The following FOSL1 variants were observed in gnomAD, a reference collection of about 807,000 sequenced individuals.
FOSL1 encodes fos-related antigen 1.
In FOSL1, 14 loss-of-function variants were observed where a neutral mutation model predicts 24.9. The observed-to-expected ratio is 0.56, with a 90% confidence interval of 0.37 to 0.88. The LOEUF (loss-of-function observed/expected upper bound fraction) is 0.88. FOSL1 is among the 40% of genes least tolerant of loss of function. FOSL1 has a pLI of 0.00. For synonymous variants in FOSL1, 133 were observed against 145.1 expected (o/e 0.92, Z 0.60); for missense variants, 318 against 359.8 (o/e 0.88, Z 0.94).
Position 65,900,363 on chromosome 11 carries a change from G to C in FOSL1, c.-24C>G, listed in dbSNP as rs904472246. 8.4e-7 allele frequency: 1 copy of C among 1,188,454 alleles called. No individual in the cohort carries two copies. The highest frequency in any genetic ancestry group is 1.1e-6 in the Non-Finnish European group (1 of 946,172). 73.6% of individuals were successfully genotyped at this position (1,188,454 alleles called of 1,614,324 possible). A position where few individuals can be genotyped will look rare whatever the true frequency, so the allele number is the denominator to read the frequency against. On this transcript the variant is annotated 5_prime_UTR_variant, in exon 1 of 4. Coordinates refer to ENST00000312562, the MANE Select transcript of FOSL1 (RefSeq NM_005438.5). Reference sequence around the variant, plus strand: ...ATGCCCGGGGCTGGCGGCTCTGCGGGGTACACGGCTGCTGGGTTCTGACTC... The same window carrying C: ...ATGCCCGGGGCTGGCGGCTCTGCGGCGTACACGGCTGCTGGGTTCTGACTC...
At chr11:65,900,503 C>G (rs963927139), upstream of FOSL1, 3 of 398,742 alleles carry the variant, frequency 7.5e-6, no homozygotes, top group Non-Finnish European at 1.3e-5. Flanking sequence ...GGCTCCACCC[C>G]CGAGACGCGC....
chr11:65,893,374 T>G, intron 3 of FOSL1, 78 bp from the exon 4 acceptor site: 1 of 1,195,004 alleles, frequency 8.4e-7, no homozygotes, highest in Non-Finnish European at 1.2e-6. Flanking sequence ...CTCAGGGTTC[T>G]GAGGAGCTGG....
At position 65,898,043 on chromosome 11, in the gene FOSL1, C is replaced by CCGTTTTTTTTT. The variant is rs1416098633; in HGVS notation, c.100-1038_100-1037insAAAAAAAAACG. ...ATTTGGCTAATTTTTTTTTTCTTTT[C>CCGTTTTTTTTT]TGTTTTTTTTTTTTTGAGACACAGT... On this transcript the variant is annotated intron_variant, in intron 1 of 3. Transcript: ENST00000312562. Among the ~76,000 whole-genome samples the CCGTTTTTTTTT allele has an allele frequency of 8.9e-3, 708 of 79,558 alleles. 93 individuals are homozygous for CCGTTTTTTTTT. Among genetic ancestry groups the CCGTTTTTTTTT allele is most frequent in the Non-Finnish European group, 9.1e-3 (406 of 44,474 alleles). The allele number at this position is 79,558 out of a possible 152,430, so 52.2% of individuals were successfully genotyped here. A position where few individuals can be genotyped will look rare whatever the true frequency, so the allele number is the denominator to read the frequency against.
intron 1 of FOSL1, 57 bp downstream of exon 1, chr11:65,900,183 AC>A: frequency 1.2e-6 from 1 of 869,184 alleles, no homozygotes; most frequent in Non-Finnish European, 1.5e-6. Context: ...GCGGGAGTTG[AC>A]CCCGGCCTCC....
chr11:65,895,662 C>A (rs1860508120), intron 2 of FOSL1, among the ~76,000 whole-genome samples: 1 of 152,214 alleles, frequency 6.6e-6, no homozygotes, highest in Non-Finnish European at 1.5e-5. Flanking sequence ...AGGAAGGACG[C>A]ACAGGAGGGT....
At position 65,896,863 on chromosome 11, in the gene FOSL1, T is replaced by C; in HGVS notation, c.243A>G (p.Gly81=). ...PQYSPPQPRP[G]VIRALGPPPG... ...GAGGCGGCCCCAGGGCCCGGATGAC[T>C]CCTGGCCGGGGTTGTGGGGGGCTGT... The change falls in exon 2 of 4, where the codon GGA becomes GGG. Residue 81 remains glycine, a synonymous_variant. Transcript: ENST00000312562. The C allele has an allele frequency of 1.2e-6, 2 of 1,613,812 alleles. No homozygotes were observed. The highest frequency in any genetic ancestry group is 2.2e-5 in the South Asian group (2 of 91,076).
At chr11:65,898,583 A>ACC (rs1860589685) in intron 1 of FOSL1, among the ~76,000 whole-genome samples, 2 of 152,140 alleles carry the variant, frequency 1.3e-5, no homozygotes, top group African/African-American at 4.8e-5. Flanking sequence ...CTCATTTTTA[A>ACC]TATTGTTACA....
Position 65,894,275 on chromosome 11 carries a change from C to A in FOSL1, c.298-154G>T, listed in dbSNP as rs181979051. 2.0e-5 allele frequency among the ~76,000 whole-genome samples: 3 copies of A among 152,306 alleles called. No homozygotes were observed. In the East Asian group the frequency reaches 5.8e-4, roughly 29 times the overall value. The stretch of plus-strand genomic sequence containing the variant: ...ATCACTGCACCCAACCAGTTCCCTG[C>A]ACTGAGGCGCTGTCTGCTTTGATTG... On this transcript the variant is annotated intron_variant, in intron 2 of 3. Coordinates refer to ENST00000312562, the MANE Select transcript of FOSL1 (RefSeq NM_005438.5).
intron 1 of FOSL1, 29 bp downstream of exon 1, chr11:65,900,212 T>C: frequency 8.7e-7 from 1 of 1,145,590 alleles, no homozygotes; most frequent in Non-Finnish European, 1.1e-6. Context: ...GGTCCTCCCG[T>C]GGGACCACCG....
rs756181696 is a variant in FOSL1 at position 65,892,861 on chromosome 11, C to G, written c.*25G>C. ...GAGGAGACATTGGCTAGGGTGGCAT[C>G]TGCAGGGAGTAGGGCTCAGGCGCCT... is the stretch of plus-strand genomic sequence containing the variant. On this transcript the variant is annotated 3_prime_UTR_variant, in exon 4 of 4. Transcript: ENST00000312562. The G allele has an allele frequency of 6.2e-7, 1 of 1,604,924 alleles. No individual in the cohort carries two copies. The highest frequency in any genetic ancestry group is 8.5e-7 in the Non-Finnish European group (1 of 1,177,094).
chr11:65,898,342 G>A (rs1278716534), intron 1 of FOSL1, among the ~76,000 whole-genome samples: 1 of 151,962 alleles, frequency 6.6e-6, no homozygotes, highest in Non-Finnish European at 1.5e-5. Flanking sequence ...CGCACGGCCT[G>A]GCTAATTTTT....
upstream of FOSL1, chr11:65,900,402 G>T: frequency 1.1e-6 from 1 of 944,366 alleles, no homozygotes; most frequent in Non-Finnish European, 1.4e-6. Flanking sequence ...CGCGCCGTGC[G>T]GAGTCTTTTC....
At chr11:65,896,661 GCTC>G in intron 2 of FOSL1, 145 bp downstream of exon 2, 1 of 581,464 alleles carries the variant, frequency 1.7e-6, no homozygotes. Context: ...CTCCCGTGGG[GCTC>G]CTATCACTTT....
chr11:65,897,637 G>C (rs1860561385), intron 1 of FOSL1, among the ~76,000 whole-genome samples: 1 of 152,212 alleles, frequency 6.6e-6, no homozygotes, highest in Non-Finnish European at 1.5e-5. Context: ...ACAGCGCCCA[G>C]CCTAGTATCT....
At chr11:65,898,831 G>A (rs1441555202) in intron 1 of FOSL1, among the ~76,000 whole-genome samples, 1 of 151,924 alleles carries the variant, frequency 6.6e-6, no homozygotes, top group Non-Finnish European at 1.5e-5. Flanking sequence ...GTGGTGGTGC[G>A]TGCCTGTGGC....
Position 65,892,836 on chromosome 11 carries a change from G to A in FOSL1, c.*50C>T, listed in dbSNP as rs764454207. ...GCCAGCTGGACCGGTGGGGGAAGGG[G>A]AGGAGACATTGGCTAGGGTGGCATC... On this transcript the variant is annotated 3_prime_UTR_variant, in exon 4 of 4. Coordinates refer to ENST00000312562, the MANE Select transcript of FOSL1 (RefSeq NM_005438.5). 2 of 1,579,964 alleles carry A rather than the reference G, an allele frequency of 1.3e-6. No individual in the cohort carries two copies. Among genetic ancestry groups the A allele is most frequent in the South Asian group, 2.3e-5 (2 of 87,284 alleles).
At chr11:65,895,123 C>CT (rs71036251) in intron 2 of FOSL1, among the ~76,000 whole-genome samples, 86,196 of 111,392 alleles carry the variant, frequency 0.77, 34,716 homozygotes, top group Middle Eastern at 0.87. Flanking sequence ...AACATAGATT[C>CT]TTTTTTTTTT....
intron 2 of FOSL1, 94 bp from the exon 3 acceptor site, chr11:65,894,215 G>A: frequency 5.9e-6 from 5 of 852,596 alleles, no homozygotes; most frequent in Non-Finnish European, 5.6e-6. Flanking sequence ...CCTGGCAGAG[G>A]TCATGGCAGG....
chr11:65,893,551 G>A (rs1860449261), intron 3 of FOSL1, among the ~76,000 whole-genome samples: 1 of 152,142 alleles, frequency 6.6e-6, no homozygotes, highest in Non-Finnish European at 1.5e-5. Flanking sequence ...AGCACTTTGG[G>A]AGGCTGAGGC....
Sources: gnomAD v4.1 joint callset for allele counts (sites outside exome capture counted in the v4.1 genomes callset) on GRCh38, gnomAD v4.1.1 for gene constraint, MANE v1.5 for transcripts, NCBI Gene and HGNC (gene_info 2026-07-23, HGNC 2026-07-21) for gene names.